The following BABAM2 variants were observed in gnomAD, a reference collection of about 807,000 sequenced individuals.
BABAM2 encodes the protein BRISC and BRCA1 A complex member 2.
A neutral mutation model predicts 54.7 loss-of-function variants in BABAM2; 31 were observed. That is an observed-to-expected ratio of 0.57 (90% CI 0.43 to 0.77). The LOEUF is 0.77. Ranked by LOEUF, BABAM2 falls within the 30% of genes least tolerant of loss-of-function variation. The probability of loss-of-function intolerance (pLI) is 0.00; values close to 1 mark genes in which losing one functional copy is unlikely to be tolerated. For synonymous variants in BABAM2, 167 were observed against 162.9 expected, an observed-to-expected ratio of 1.03 and a Z score of -0.19; for missense variants, 364 against 455.8, an observed-to-expected ratio of 0.80 and a Z score of 1.83.
At chr2:28,220,482 TC>T (rs1680299942) in intron 7 of BABAM2, among the ~76,000 whole-genome samples, 1 of 152,162 alleles carries the variant, frequency 6.6e-6, no homozygotes, top group African/African-American at 2.4e-5. Flanking sequence ...TTAAAAAAGC[TC>T]AACTTCACAA....
At chr2:28,310,990 G>A (rs13018636) in intron 11 of BABAM2, among the ~76,000 whole-genome samples, 73,862 of 151,540 alleles carry the variant, frequency 0.49, 18,264 homozygotes, top group East Asian at 0.61. Context: ...GGCTGGGCGC[G>A]GTGGCTCACG....
intron 10 of BABAM2, among the ~76,000 whole-genome samples, chr2:28,245,663 A>T (rs149293952): frequency 6.6e-6 from 1 of 152,222 alleles, no homozygotes; most frequent in Non-Finnish European, 1.5e-5. Context: ...TTCAGTCTTC[A>T]GGCCAAGGCA....
intron 4 of BABAM2, among the ~76,000 whole-genome samples, chr2:28,018,510 G>C (rs1675013236): frequency 1.3e-5 from 2 of 151,984 alleles, no homozygotes; most frequent in Admixed American, 1.3e-4. Flanking sequence ...TTTTCCTCTG[G>C]GTGGATACCT....
chr2:28,338,476 A>G lies in BABAM2; in HGVS notation c.1115A>G (p.Gln372Arg). 1 of 1,614,146 alleles carries G rather than the reference A, an allele frequency of 6.2e-7. No homozygotes were observed. The highest frequency in any genetic ancestry group is 8.5e-7 in the Non-Finnish European group (1 of 1,179,992). ...AKAYFKTFVP[Q>R]FQEAAFANGK... ...GCTTATTTCAAAACCTTTGTCCCTC[A>G]GTTCCAGGAGGCAGCATTTGCCAAT... Residue 372 changes from glutamine to arginine, a missense_variant, in exon 12 of 12, where the codon CAG becomes CGG. Coordinates refer to ENST00000379624, the MANE Select transcript of BABAM2 (RefSeq NM_199191.3).
intron 2 of BABAM2, 89 bp from the exon 3 acceptor site, chr2:27,929,743 C>G: frequency 3.5e-6 from 4 of 1,156,166 alleles, no homozygotes; most frequent in Non-Finnish European, 5.0e-6. Context: ...GTATAAAGAT[C>G]CTGTTTTGTT....
intron 11 of BABAM2, among the ~76,000 whole-genome samples, chr2:28,331,658 C>T (rs1690968668): frequency 6.6e-6 from 1 of 152,058 alleles, no homozygotes; most frequent in South Asian, 2.1e-4. Context: ...ATTAAAAAGT[C>T]AAGAAACAAT....
In BABAM2 at chr2:28,295,532, G is replaced by A. The variant is rs199998189; in HGVS notation, c.935-2806G>A. Among the ~76,000 whole-genome samples the A allele has an allele frequency of 1.1e-4, 17 of 151,396 alleles. No individual in the cohort carries two copies. In the East Asian group the frequency reaches 3.3e-3, roughly 30 times the overall value. The stretch of plus-strand genomic sequence containing the variant: ...TTTTTTGAGACGGAGTTTTTCTCTT[G>A]TTGCTCAAGCCGGAGTCCAGTGGCG... On this transcript the variant is annotated intron_variant, in intron 10 of 11. Transcript: ENST00000379624.
At chr2:27,956,444 A>G (rs1299094421) in intron 3 of BABAM2, among the ~76,000 whole-genome samples, 1 of 152,220 alleles carries the variant, frequency 6.6e-6, no homozygotes, top group African/African-American at 2.4e-5. Context: ...ATCAAACCAA[A>G]TCTTTAGTCT....
At chr2:28,198,470 C>T (rs1354805294) in intron 7 of BABAM2, among the ~76,000 whole-genome samples, 2 of 152,050 alleles carry the variant, frequency 1.3e-5, no homozygotes, top group African/African-American at 4.8e-5. Context: ...CTGGCCAGGA[C>T]AGCTTTAAAG....
chr2:28,002,205 G>C (rs1673626598), intron 4 of BABAM2, among the ~76,000 whole-genome samples: 1 of 152,094 alleles, frequency 6.6e-6, no homozygotes, highest in Non-Finnish European at 1.5e-5. Flanking sequence ...ATTACTCTTA[G>C]GCTCTTCCTA....
intron 5 of BABAM2, among the ~76,000 whole-genome samples, chr2:28,037,945 A>G (rs978875644): frequency 1.3e-5 from 2 of 152,220 alleles, no homozygotes; most frequent in African/African-American, 2.4e-5. Context: ...TTAATATATA[A>G]GAAACGGGAG....
At chr2:28,038,279 A>T (rs534030956) in intron 5 of BABAM2, among the ~76,000 whole-genome samples, 1 of 152,266 alleles carries the variant, frequency 6.6e-6, no homozygotes, top group African/African-American at 2.4e-5. Context: ...AATTCCCTCC[A>T]AGTAATGAGC....
chr2:28,106,040 T>A (rs1667495972), intron 6 of BABAM2, among the ~76,000 whole-genome samples: 1 of 152,018 alleles, frequency 6.6e-6, no homozygotes, highest in Non-Finnish European at 1.5e-5. Flanking sequence ...AAAGCACTTT[T>A]AAAAAACCAT....
chr2:28,048,937 A>G (rs1445692679), intron 6 of BABAM2, among the ~76,000 whole-genome samples: 1 of 152,116 alleles, frequency 6.6e-6, no homozygotes, highest in Non-Finnish European at 1.5e-5. Flanking sequence ...TTGTCCTGAG[A>G]ATTAGTGAAC....
At chr2:28,164,256 T>G (rs990065363) in intron 7 of BABAM2, among the ~76,000 whole-genome samples, 3 of 152,194 alleles carry the variant, frequency 2.0e-5, no homozygotes, top group Non-Finnish European at 4.4e-5. Context: ...TTTGCTCTTC[T>G]TCCCTTCAGT....
intron 10 of BABAM2, among the ~76,000 whole-genome samples, chr2:28,284,602 C>A (rs530938593): frequency 9.2e-5 from 14 of 152,006 alleles, no homozygotes; most frequent in Non-Finnish European, 1.2e-4. Flanking sequence ...CCCATTTGAC[C>A]GTAGATTCTC....
At chr2:28,104,407 A>C (rs1430294756) in intron 6 of BABAM2, among the ~76,000 whole-genome samples, 1 of 152,272 alleles carries the variant, frequency 6.6e-6, no homozygotes, top group Non-Finnish European at 1.5e-5. Context: ...TCAAAAGAAG[A>C]CATTTATGCA....
intron 5 of BABAM2, among the ~76,000 whole-genome samples, chr2:28,043,025 A>G (rs1204883210): frequency 6.6e-6 from 1 of 152,054 alleles, no homozygotes; most frequent in Admixed American, 6.5e-5. Context: ...CTCCGTCTCA[A>G]AAAAATAAAA....
At chr2:28,068,056 G>A (rs1227987932) in intron 6 of BABAM2, among the ~76,000 whole-genome samples, 1 of 150,858 alleles carries the variant, frequency 6.6e-6, no homozygotes, top group Non-Finnish European at 1.5e-5. Context: ...TTTTTTTAAA[G>A]AAACACTGTG....
Sources: allele counts gnomAD v4.1 joint callset (sites outside exome capture counted in the v4.1 genomes callset), GRCh38; gene constraint gnomAD v4.1.1; transcripts MANE v1.5; gene names NCBI Gene and HGNC (gene_info 2026-07-23, HGNC 2026-07-21).